EFL1: variants seen among roughly 807,000 people sequenced by gnomAD.
The protein encoded by EFL1 is elongation factor like GTPase 1, also known as elongation factor-like GTPase 1.
A neutral mutation model predicts 126.7 loss-of-function variants in EFL1; 76 were observed. That is an observed-to-expected ratio of 0.60 (90% CI 0.50 to 0.73). EFL1 has a LOEUF of 0.73. EFL1 is among the 30% of genes least tolerant of loss of function. The pLI is 0.00. For missense variants in EFL1, 1,128 were observed against 1,343.2 expected, an observed-to-expected ratio of 0.84 and a Z score of 2.50; for synonymous variants, 410 against 448.4, an observed-to-expected ratio of 0.91 and a Z score of 1.08.
intron 14 of EFL1, among the ~76,000 whole-genome samples, chr15:82,219,311 C>G (rs1380955924): frequency 6.6e-6 from 1 of 152,188 alleles, no homozygotes; most frequent in East Asian, 1.9e-4. Flanking sequence ...TTGGATCTTC[C>G]TATTTCTCAA....
At chr15:82,215,574 T>C (rs2074636874) in intron 14 of EFL1, 1 of 152,146 alleles carries the variant, frequency 6.6e-6, no homozygotes, top group African/African-American at 2.4e-5. Context: ...TCTTCAGAAA[T>C]ATACCCACCA....
chr15:82,187,053 T>C (rs2074311359), intron 15 of EFL1, among the ~76,000 whole-genome samples: 1 of 152,206 alleles, frequency 6.6e-6, no homozygotes, highest in Admixed American at 6.5e-5. Context: ...TGTTATACCT[T>C]CTTACAGAAG....
intron 16 of EFL1, among the ~76,000 whole-genome samples, chr15:82,159,506 T>C (rs1384133909): frequency 2.7e-5 from 4 of 150,062 alleles, no homozygotes; most frequent in East Asian, 3.9e-4. Context: ...ATTTGAAACA[T>C]GGAGACAACA....
At chr15:82,140,771 C>G (rs1040169915) in intron 18 of EFL1, among the ~76,000 whole-genome samples, 1 of 152,174 alleles carries the variant, frequency 6.6e-6, no homozygotes, top group Non-Finnish European at 1.5e-5. Context: ...ACTATTTCCC[C>G]CGTCATTCAT....
At chr15:82,147,824 C>T (rs1287950773) in intron 18 of EFL1, among the ~76,000 whole-genome samples, 1 of 151,882 alleles carries the variant, frequency 6.6e-6, no homozygotes, top group African/African-American at 2.4e-5. Context: ...CCTCCTCAAC[C>T]CCTATTTTAA....
intron 15 of EFL1, among the ~76,000 whole-genome samples, chr15:82,200,158 C>A (rs2074452089): frequency 6.6e-6 from 1 of 152,182 alleles, no homozygotes; most frequent in African/African-American, 2.4e-5. Flanking sequence ...AATACCCAAG[C>A]TTATGCATTA....
At chr15:82,138,918 T>A in intron 18 of EFL1, 76 bp from the exon 19 acceptor site, 2 of 1,350,414 alleles carry the variant, frequency 1.5e-6, no homozygotes. Flanking sequence ...ATTACCCATA[T>A]ACTCTGTAAC....
At chr15:82,199,675 C>T (rs528764779) in intron 15 of EFL1, among the ~76,000 whole-genome samples, 4 of 152,276 alleles carry the variant, frequency 2.6e-5, no homozygotes, top group South Asian at 2.1e-4. Flanking sequence ...TTATTTCTTA[C>T]TATGTATGCA....
intron 17 of EFL1, chr15:82,157,347 A>T (rs2073978654): frequency 6.3e-6 from 1 of 159,862 alleles, no homozygotes; most frequent in African/African-American, 2.4e-5. Flanking sequence ...TACATTGTAA[A>T]GACCACATCA....
At chr15:82,187,905 C>T (rs117758202) in intron 15 of EFL1, among the ~76,000 whole-genome samples, 1 of 151,838 alleles carries the variant, frequency 6.6e-6, no homozygotes, top group Admixed American at 6.6e-5. Flanking sequence ...AGATTTTGTC[C>T]TATATTTCAC....
intron 19 of EFL1, among the ~76,000 whole-genome samples, chr15:82,131,151 A>C (rs2073638709): frequency 6.6e-6 from 1 of 152,162 alleles, no homozygotes; most frequent in South Asian, 2.1e-4. Context: ...GAAAACTATT[A>C]ATTTTTCATA....
At chr15:82,177,068 G>A (rs760335235) in intron 15 of EFL1, among the ~76,000 whole-genome samples, 4 of 152,110 alleles carry the variant, frequency 2.6e-5, no homozygotes, top group Non-Finnish European at 5.9e-5. Context: ...GAAGGGGTGC[G>A]GTGGCAGTAA....
chr15:82,221,122 C>T (rs1026794568), intron 12 of EFL1, among the ~76,000 whole-genome samples: 13 of 152,302 alleles, frequency 8.5e-5, no homozygotes, highest in Middle Eastern at 6.8e-3. Flanking sequence ...AGCACTCAGG[C>T]TAGTCCTCTG....
At chr15:82,153,257 T>C (rs1469743557) in intron 17 of EFL1, among the ~76,000 whole-genome samples, 1 of 152,192 alleles carries the variant, frequency 6.6e-6, no homozygotes, top group Non-Finnish European at 1.5e-5. Flanking sequence ...TTGTTGTATA[T>C]TGTATATTTA....
intron 3 of EFL1, among the ~76,000 whole-genome samples, chr15:82,257,561 T>C (rs2075077048): frequency 6.6e-6 from 1 of 152,202 alleles, no homozygotes; most frequent in Non-Finnish European, 1.5e-5. Flanking sequence ...TCTATATTGC[T>C]AGTAATTGTT....
chr15:82,153,294 T>C (rs991845011), intron 17 of EFL1, among the ~76,000 whole-genome samples: 1 of 152,152 alleles, frequency 6.6e-6, no homozygotes, highest in African/African-American at 2.4e-5. Flanking sequence ...TCACAGGATA[T>C]ACAACAAGAT....
At chr15:82,171,891 A>G (rs1421689190) in intron 15 of EFL1, among the ~76,000 whole-genome samples, 1 of 152,102 alleles carries the variant, frequency 6.6e-6, no homozygotes, top group African/African-American at 2.4e-5. Context: ...ACACACACAC[A>G]CACACACCCT....
rs759724230 is a variant in EFL1 at position 82,225,294 on chromosome 15, AT to A, written c.1193-31del. On this transcript the variant is annotated intron_variant, in intron 11 of 19. Transcript: ENST00000268206. ...ACAAATAGGAAGTAAAAATGTCACT[AT>A]TTTTCCCATTATTAAAAAAAAAAAA... 3.5e-6 allele frequency: 5 copies of A among 1,419,552 alleles called. 1 individual carries two copies. In the South Asian group the frequency reaches 6.8e-5, roughly 19 times the overall value. 87.9% of individuals were successfully genotyped at this position (1,419,552 alleles called of 1,614,324 possible).
intron 19 of EFL1, among the ~76,000 whole-genome samples, chr15:82,135,508 G>A (rs890807728): frequency 2.6e-5 from 4 of 152,124 alleles, no homozygotes; most frequent in African/African-American, 9.7e-5. Context: ...CCTATAAAGA[G>A]CCAGACAGTA....
Sources: allele counts gnomAD v4.1 joint callset (sites outside exome capture counted in the v4.1 genomes callset), GRCh38; gene constraint gnomAD v4.1.1; transcripts MANE v1.5; gene names NCBI Gene and HGNC (gene_info 2026-07-23, HGNC 2026-07-21).